The following AASDH variants were observed in gnomAD, a reference collection of about 807,000 sequenced individuals.
AASDH encodes the protein aminoadipate-semialdehyde dehydrogenase.
Under a neutral mutation model 102.3 loss-of-function variants are expected in AASDH, and 81 were observed. The ratio of observed to expected loss-of-function variants is 0.79; its 90% CI spans 0.66 to 0.95. The LOEUF is 0.95. Among genes scored for constraint, AASDH ranks in the 40% least tolerant of loss-of-function variants. The pLI is 0.00. For missense variants in AASDH, 1,203 were observed against 1,266.2 expected, an observed-to-expected ratio of 0.95 and a Z score of 0.76; for synonymous variants, 398 against 454.0, an observed-to-expected ratio of 0.88 and a Z score of 1.57.
At chr4:56,359,986 T>G (rs992089832) in intron 5 of AASDH, among the ~76,000 whole-genome samples, 2 of 152,206 alleles carry the variant, frequency 1.3e-5, no homozygotes, top group African/African-American at 4.8e-5. Flanking sequence ...GTCAAGTGAA[T>G]GGTTGGACAG....
chr4:56,378,897 T>C (rs1043798200), intron 3 of AASDH, among the ~76,000 whole-genome samples: 1 of 151,772 alleles, frequency 6.6e-6, no homozygotes, highest in African/African-American at 2.4e-5. Flanking sequence ...TTATTTTTTT[T>C]TTTTGAGACG....
In AASDH at chr4:56,342,396, TCA is replaced by T. The variant is rs1747810749; in HGVS notation, c.2907+437_2907+438del. 2.0e-5 allele frequency among the ~76,000 whole-genome samples: 3 copies of T among 152,080 alleles called. No homozygotes were observed. In the South Asian group the frequency reaches 6.2e-4, roughly 31 times the overall value. On this transcript the variant is annotated intron_variant, in intron 14 of 14. Coordinates refer to ENST00000205214, the MANE Select transcript of AASDH (RefSeq NM_181806.4). ...CACAGTCTATGATTGTAACAAAATA[TCA>T]CATACATACCCCATAAATAGGTACA...
intron 12 of AASDH, among the ~76,000 whole-genome samples, chr4:56,344,075 T>A (rs1748039187): frequency 6.6e-6 from 1 of 152,180 alleles, no homozygotes; most frequent in Non-Finnish European, 1.5e-5. Flanking sequence ...CATATGAACA[T>A]AAATAATTTC....
At chr4:56,355,759 A>G (rs553761783) in intron 5 of AASDH, among the ~76,000 whole-genome samples, 3 of 152,106 alleles carry the variant, frequency 2.0e-5, no homozygotes, top group African/African-American at 4.8e-5. Flanking sequence ...GCTTGGGACT[A>G]CAGGCACGTA....
intron 5 of AASDH, among the ~76,000 whole-genome samples, 170 bp from the exon 6 acceptor site, chr4:56,355,593 G>GTTTTTTTTTTTTT (rs149149581): frequency 7.6e-5 from 7 of 91,876 alleles, no homozygotes; most frequent in Middle Eastern, 7.4e-3. Context: ...TTATCTTCTT[G>GTTTTTTTTTTTTT]TTTTTTTTTT....
At chr4:56,381,317 T>A (rs1752922341) in intron 3 of AASDH, among the ~76,000 whole-genome samples, 1 of 152,192 alleles carries the variant, frequency 6.6e-6, no homozygotes, top group South Asian at 2.1e-4. Context: ...ATGCCTGTAA[T>A]CCCAGCACTT....
intron 3 of AASDH, among the ~76,000 whole-genome samples, chr4:56,380,648 C>G (rs546716940): frequency 6.6e-6 from 1 of 152,290 alleles, no homozygotes; most frequent in South Asian, 2.1e-4. Flanking sequence ...ATTAACTTTT[C>G]TCTCCAACTA....
intron 12 of AASDH, among the ~76,000 whole-genome samples, 191 bp downstream of exon 12, chr4:56,344,934 TTC>T (rs1256588983): frequency 2.1e-5 from 3 of 141,904 alleles, no homozygotes; most frequent in Non-Finnish European, 3.0e-5. Flanking sequence ...GAGGTGAATT[TTC>T]TTTCTTTTTT....
At position 56,371,461 on chromosome 4, in the gene AASDH, GTCAC is replaced by G; in HGVS notation, c.847_850del (p.Val283LeufsTer32). 11 of 1,600,748 alleles carry G rather than the reference GTCAC, an allele frequency of 6.9e-6. No homozygotes were observed. The highest frequency in any genetic ancestry group is 9.3e-6 in the Non-Finnish European group (11 of 1,177,102). ...GCTACTAAAATGTACCTGCAAAACA[GTCAC>G]TCTATGATGGGAAAAGAGAACGCTG... On this transcript the variant is annotated frameshift_variant, in exon 5 of 15. Transcript: ENST00000205214. LOFTEE classifies it high-confidence loss of function.
intron 5 of AASDH, among the ~76,000 whole-genome samples, chr4:56,370,935 T>A (rs559267640): frequency 6.6e-6 from 1 of 152,344 alleles, no homozygotes; most frequent in African/African-American, 2.4e-5. Flanking sequence ...AAGGCTTGTG[T>A]ACCAGTCATA....
At chr4:56,371,396 A>T (rs1175967667) in intron 5 of AASDH, 55 bp downstream of exon 5, 1 of 1,502,032 alleles carries the variant, frequency 6.7e-7, no homozygotes, top group Non-Finnish European at 9.0e-7. Context: ...ATTCTCTAAA[A>T]CACTTAAAAT....
intron 12 of AASDH, 91 bp downstream of exon 12, chr4:56,345,036 G>A (rs1027523915): frequency 5.1e-5 from 71 of 1,403,794 alleles, no homozygotes; most frequent in Non-Finnish European, 6.1e-5. Context: ...CCACCTCCCA[G>A]GTTCACGCAA....
chr4:56,361,905 A>C (rs941072266), intron 5 of AASDH, among the ~76,000 whole-genome samples: 3 of 152,134 alleles, frequency 2.0e-5, no homozygotes, highest in Non-Finnish European at 2.9e-5. Context: ...CCCAGAAGTC[A>C]AGGCTGCAGT....
chr4:56,370,551 A>G (rs904163881), intron 5 of AASDH, among the ~76,000 whole-genome samples: 1 of 152,212 alleles, frequency 6.6e-6, no homozygotes, highest in Non-Finnish European at 1.5e-5. Context: ...AACCCTTTCC[A>G]TCAAGTGAGG....
chr4:56,355,029 T>C lies in AASDH; in HGVS notation c.1103+153A>G, dbSNP rs1749434247. ...TGCAGCAGTATCTTGGCACCAGCTA[T>C]AGTAAGGAAGGTTCTGGATTCCCAA... On this transcript the variant is annotated intron_variant, in intron 6 of 14. Transcript: ENST00000205214. Among the ~76,000 whole-genome samples the C allele has an allele frequency of 2.0e-5, 3 of 152,332 alleles. No individual in the cohort carries two copies. The South Asian group carries it at 6.2e-4, about 32-fold the overall frequency.
At position 56,349,374 on chromosome 4, in the gene AASDH, TATGAGA is replaced by T; in HGVS notation, c.2371_2376del (p.Ser791_His792del). On this transcript the variant is annotated inframe_deletion, in exon 11 of 15. Transcript: ENST00000205214. ...GAGTAAAAGTCAACTGCCTTCATTC[TATGAGA>T]ATGGGAACCAATGTACACAGTTGTA... 1 of 1,614,166 alleles carries T rather than the reference TATGAGA, an allele frequency of 6.2e-7. No homozygotes were observed. Among genetic ancestry groups the T allele is most frequent in the Non-Finnish European group, 8.5e-7 (1 of 1,179,996 alleles).
chr4:56,383,952 T>C (rs2110014544), intron 2 of AASDH, 118 bp downstream of exon 2: 1 of 789,238 alleles, frequency 1.3e-6, no homozygotes, highest in East Asian at 2.7e-5. Context: ...CTCTCTACAA[T>C]TGACCAAACA....
chr4:56,368,257 T>G (rs1045987330), intron 5 of AASDH, among the ~76,000 whole-genome samples: 3 of 152,132 alleles, frequency 2.0e-5, no homozygotes, highest in Admixed American at 6.5e-5. Context: ...AGGAACACTT[T>G]TACACTGTTG....
intron 4 of AASDH, among the ~76,000 whole-genome samples, chr4:56,376,892 C>G (rs893556936): frequency 1.3e-5 from 2 of 151,232 alleles, no homozygotes; most frequent in African/African-American, 2.4e-5. Context: ...ACAGTGAAAC[C>G]CCGTCTCTAC....
Sources: gnomAD v4.1 joint callset for allele counts (sites outside exome capture counted in the v4.1 genomes callset) on GRCh38, gnomAD v4.1.1 for gene constraint, MANE v1.5 for transcripts, NCBI Gene and HGNC (gene_info 2026-07-23, HGNC 2026-07-21) for gene names.